SV2C: variants seen among roughly 807,000 people sequenced by gnomAD.
SV2C encodes synaptic vesicle glycoprotein 2C, also known as solute carrier family 22 member B3.
In SV2C, 49 loss-of-function variants were observed where a neutral mutation model predicts 79.7. The ratio of observed to expected loss-of-function variants is 0.61; its 90% confidence interval spans 0.49 to 0.78. The LOEUF is 0.78. Ranked by LOEUF, SV2C falls within the 30% of genes least tolerant of loss-of-function variation. SV2C has a pLI of 0.00. For missense variants in SV2C, 833 were observed against 912.9 expected, an observed-to-expected ratio of 0.91 and a Z score of 1.13; for synonymous variants, 334 against 333.2, an observed-to-expected ratio of 1.00 and a Z score of -0.03.
chr5:75,912,076 A>T, the SV2C span, among the ~76,000 whole-genome samples: 1 of 152,200 alleles, frequency 6.6e-6, no homozygotes, highest in African/African-American at 2.4e-5. Context: ...AGGAGAAGAG[A>T]ACATTAGACT....
At chr5:76,336,807 GAGAAA>G (rs1401698351), downstream of SV2C, among the ~76,000 whole-genome samples, 1 of 152,208 alleles carries the variant, frequency 6.6e-6, no homozygotes, top group East Asian at 1.9e-4. Context: ...TTGAATGAGG[GAGAAA>G]AGAAAAGTCC....
At chr5:76,013,012 G>A in the SV2C span, among the ~76,000 whole-genome samples, 3 of 152,280 alleles carry the variant, frequency 2.0e-5, 1 homozygote, top group South Asian at 6.2e-4. Flanking sequence ...CTGTAGCCTT[G>A]TAGTATAGTT....
chr5:75,858,950 T>C, the SV2C span, among the ~76,000 whole-genome samples: 1 of 152,164 alleles, frequency 6.6e-6, no homozygotes, highest in South Asian at 2.1e-4. Context: ...TTCTTTTTCA[T>C]CCCTGATTTT....
the SV2C span, among the ~76,000 whole-genome samples, chr5:75,888,714 C>T: frequency 1.3e-5 from 2 of 152,050 alleles, no homozygotes; most frequent in Non-Finnish European, 2.9e-5. Flanking sequence ...AACAGGTTCC[C>T]GTGGCTTAGC....
chr5:75,970,420 C>A, the SV2C span, among the ~76,000 whole-genome samples: 2 of 152,024 alleles, frequency 1.3e-5, no homozygotes, highest in Admixed American at 1.3e-4. Flanking sequence ...TATTGATAGA[C>A]TGCTAGCAAG....
intron 2 of SV2C, among the ~76,000 whole-genome samples, chr5:76,169,822 G>A (rs1320779866): frequency 6.6e-6 from 1 of 152,228 alleles, no homozygotes; most frequent in East Asian, 1.9e-4. Context: ...GGCCAGCTGT[G>A]GAAACCATGT....
chr5:76,242,645 G>A (rs1238794644), intron 4 of SV2C, among the ~76,000 whole-genome samples: 1 of 152,158 alleles, frequency 6.6e-6, no homozygotes, highest in African/African-American at 2.4e-5. Flanking sequence ...AGTGGGTACA[G>A]GGCTAGAGTT....
intron 2 of SV2C, among the ~76,000 whole-genome samples, chr5:76,168,823 T>G (rs977464505): frequency 1.3e-5 from 2 of 152,198 alleles, no homozygotes; most frequent in African/African-American, 4.8e-5. Flanking sequence ...AGCGACACTT[T>G]TAACCCCGAA....
At chr5:75,894,713 A>G in the SV2C span, among the ~76,000 whole-genome samples, 5 of 152,154 alleles carry the variant, frequency 3.3e-5, no homozygotes, top group South Asian at 2.1e-4. Context: ...CAGTTTGACC[A>G]AACAGTAGCC....
chr5:76,298,991 A>G (rs954928673), intron 10 of SV2C, 64 bp downstream of exon 10: 18 of 1,556,316 alleles, frequency 1.2e-5, no homozygotes, highest in Middle Eastern at 3.7e-4. Context: ...TGTGATAACC[A>G]TGTGATAATG....
At chr5:76,200,108 C>G (rs187213652) in intron 3 of SV2C, among the ~76,000 whole-genome samples, 1 of 152,180 alleles carries the variant, frequency 6.6e-6, no homozygotes, top group Non-Finnish European at 1.5e-5. Context: ...CCAGTCAGAG[C>G]AGGGGCTTAT....
chr5:76,225,319 C>A (rs1331855402), intron 4 of SV2C, among the ~76,000 whole-genome samples: 1 of 152,188 alleles, frequency 6.6e-6, no homozygotes, highest in Non-Finnish European at 1.5e-5. Context: ...ATTGCATGAT[C>A]CACTTCTTCC....
the SV2C span, among the ~76,000 whole-genome samples, chr5:76,031,261 T>C: frequency 6.6e-6 from 1 of 152,218 alleles, no homozygotes; most frequent in Non-Finnish European, 1.5e-5. Context: ...TGCCTGCTCA[T>C]CACAGCCAGC....
chr5:76,101,519 G>C (rs982783168), intron 1 of SV2C, among the ~76,000 whole-genome samples: 2 of 152,140 alleles, frequency 1.3e-5, no homozygotes, highest in South Asian at 4.1e-4. Context: ...CAAAGTGCCT[G>C]TTCTCATGGA....
At chr5:76,136,053 A>AG (rs1182819903) in intron 2 of SV2C, among the ~76,000 whole-genome samples, 2 of 152,246 alleles carry the variant, frequency 1.3e-5, no homozygotes. Flanking sequence ...TTTATTGCTG[A>AG]GGGTTACAAA....
chr5:76,176,845 G>T (rs73132248), intron 2 of SV2C, among the ~76,000 whole-genome samples: 1 of 152,266 alleles, frequency 6.6e-6, no homozygotes, highest in South Asian at 2.1e-4. Context: ...GGCCGGCAAG[G>T]TGGCTCACGC....
chr5:75,987,506 T>C, the SV2C span, among the ~76,000 whole-genome samples: 1 of 151,978 alleles, frequency 6.6e-6, no homozygotes, highest in African/African-American at 2.4e-5. Flanking sequence ...CCTGATGGCA[T>C]CTTTGAGCAG....
At chr5:76,026,429 G>A in the SV2C span, among the ~76,000 whole-genome samples, 1 of 152,138 alleles carries the variant, frequency 6.6e-6, no homozygotes, top group Non-Finnish European at 1.5e-5. Context: ...GCTTTAAAAT[G>A]TCTAATGGTT....
the SV2C span, among the ~76,000 whole-genome samples, chr5:76,016,724 A>G: frequency 6.6e-6 from 1 of 152,308 alleles, no homozygotes; most frequent in African/African-American, 2.4e-5. Flanking sequence ...ATCTGATTCA[A>G]TGTGGACTGC....
Sources: gnomAD v4.1 joint callset for allele counts (sites outside exome capture counted in the v4.1 genomes callset) on GRCh38, gnomAD v4.1.1 for gene constraint, MANE v1.5 for transcripts, NCBI Gene and HGNC (gene_info 2026-07-23, HGNC 2026-07-21) for gene names.